The following WWOX variants were observed in gnomAD, a reference collection of about 807,000 sequenced individuals.
WWOX encodes the protein WW domain-containing oxidoreductase.
WWOX carries 69 observed loss-of-function variants against 46.2 expected under a neutral mutation model. That is an observed-to-expected ratio of 1.49 (90% CI 1.23 to 1.82). The LOEUF is 1.82. Ranked by LOEUF, WWOX falls within the 40% of genes most tolerant of loss-of-function variation. WWOX has a pLI of 0.00. For missense variants in WWOX, 919 were observed against 542.6 expected (o/e 1.69, Z -6.89); for synonymous variants, 359 against 202.6 (o/e 1.77, Z -6.56).
chr16:79,156,235 C>T (rs913195002), intron 8 of WWOX, among the ~76,000 whole-genome samples: 3 of 152,188 alleles, frequency 2.0e-5, no homozygotes, highest in Non-Finnish European at 4.4e-5. Flanking sequence ...AATTTCAGCT[C>T]ACTGCAACCT....
At chr16:78,327,242 C>G (rs148168505) in intron 5 of WWOX, among the ~76,000 whole-genome samples, 8 of 152,144 alleles carry the variant, frequency 5.3e-5, no homozygotes, top group Admixed American at 1.3e-4. Context: ...TGTGTCATAT[C>G]GGGAAAGAAA....
chr16:78,742,695 C>A (rs149797419), intron 8 of WWOX, among the ~76,000 whole-genome samples: 1 of 152,310 alleles, frequency 6.6e-6, no homozygotes, highest in African/African-American at 2.4e-5. Context: ...TTCTGCCCTG[C>A]GGTTTCAGTT....
At chr16:79,208,224 C>T (rs2051585516) in intron 8 of WWOX, among the ~76,000 whole-genome samples, 1 of 152,156 alleles carries the variant, frequency 6.6e-6, no homozygotes, top group South Asian at 2.1e-4. Context: ...GGCATTCGGG[C>T]ATGATTAAAA....
At chr16:79,139,266 G>A (rs1212770158) in intron 8 of WWOX, among the ~76,000 whole-genome samples, 1 of 152,232 alleles carries the variant, frequency 6.6e-6, no homozygotes, top group South Asian at 2.1e-4. Context: ...TTGTGCTGCT[G>A]CTGATCACGT....
intron 8 of WWOX, among the ~76,000 whole-genome samples, chr16:78,725,106 T>G (rs114087623): frequency 0.016 from 2,382 of 152,078 alleles, 52 homozygotes; most frequent in African/African-American, 0.054. Flanking sequence ...CCCATACTGT[T>G]CTTGGGGTAG....
intron 5 of WWOX, among the ~76,000 whole-genome samples, chr16:78,228,971 T>C (rs2037159677): frequency 6.6e-6 from 1 of 152,212 alleles, no homozygotes; most frequent in African/African-American, 2.4e-5. Context: ...TGATGTGTAC[T>C]TACTTCTATT....
At chr16:78,734,202 T>C (rs2049031081) in intron 8 of WWOX, among the ~76,000 whole-genome samples, 1 of 152,178 alleles carries the variant, frequency 6.6e-6, no homozygotes, top group Non-Finnish European at 1.5e-5. Context: ...AATTGGAATG[T>C]TAGGTGTTAA....
At chr16:78,732,984 C>G (rs1245020711) in intron 8 of WWOX, among the ~76,000 whole-genome samples, 1 of 152,156 alleles carries the variant, frequency 6.6e-6, no homozygotes, top group African/African-American at 2.4e-5. Context: ...TCCTTCTCGT[C>G]TTTTCTTTTC....
At chr16:78,794,203 A>T (rs768769137) in intron 8 of WWOX, among the ~76,000 whole-genome samples, 4 of 152,198 alleles carry the variant, frequency 2.6e-5, no homozygotes, top group Non-Finnish European at 5.9e-5. Flanking sequence ...AGAAAACAGC[A>T]AGAAGAATAT....
intron 8 of WWOX, among the ~76,000 whole-genome samples, chr16:78,674,721 A>G (rs1202821824): frequency 6.6e-6 from 1 of 152,246 alleles, no homozygotes; most frequent in Non-Finnish European, 1.5e-5. Context: ...AACAAGAACA[A>G]ATGGAGAATC....
intron 8 of WWOX, among the ~76,000 whole-genome samples, chr16:78,537,040 C>A (rs1357685324): frequency 6.6e-6 from 1 of 151,986 alleles, no homozygotes; most frequent in African/African-American, 2.4e-5. Context: ...CCTCAACGTC[C>A]TGAGAAGCTG....
chr16:78,738,375 G>C (rs1355300455), intron 8 of WWOX, among the ~76,000 whole-genome samples: 4 of 152,114 alleles, frequency 2.6e-5, no homozygotes, highest in Non-Finnish European at 4.4e-5. Context: ...TATGTGTAAT[G>C]TGCCATTTGA....
At chr16:78,840,230 CTG>C (rs980532050) in intron 8 of WWOX, among the ~76,000 whole-genome samples, 7 of 152,216 alleles carry the variant, frequency 4.6e-5, no homozygotes, top group Non-Finnish European at 1.0e-4. Flanking sequence ...CTAATCCTAA[CTG>C]TGCACATTCT....
intron 8 of WWOX, among the ~76,000 whole-genome samples, chr16:78,532,456 C>T (rs141489192): frequency 2.0e-5 from 3 of 152,166 alleles, no homozygotes; most frequent in Admixed American, 1.3e-4. Flanking sequence ...CATGAACATG[C>T]TTTGTAATTT....
intron 8 of WWOX, among the ~76,000 whole-genome samples, chr16:79,152,752 G>C (rs1276603633): frequency 6.6e-6 from 1 of 152,086 alleles, no homozygotes; most frequent in Non-Finnish European, 1.5e-5. Context: ...AGTGTGGGCA[G>C]AGCTCAGGGA....
At chr16:78,783,082 A>G (rs1036249259) in intron 8 of WWOX, among the ~76,000 whole-genome samples, 2 of 152,232 alleles carry the variant, frequency 1.3e-5, no homozygotes, top group East Asian at 1.9e-4. Context: ...CAATGCACCT[A>G]TATGCACAAA....
chr16:78,616,587 T>C (rs1016833572), intron 8 of WWOX, among the ~76,000 whole-genome samples: 3 of 151,544 alleles, frequency 2.0e-5, no homozygotes, highest in East Asian at 2.0e-4. Context: ...CTGGCTGACA[T>C]GGTGAAACCC....
At chr16:78,816,760 T>C (rs2051341106) in intron 8 of WWOX, among the ~76,000 whole-genome samples, 1 of 152,116 alleles carries the variant, frequency 6.6e-6, no homozygotes, top group Admixed American at 6.5e-5. Context: ...TTGGCTCTGA[T>C]TTTGTGGCTC....
Position 78,709,657 on chromosome 16 carries a change from C to T in WWOX, c.1056+276905C>T, listed in dbSNP as rs568471400. On this transcript the variant is annotated intron_variant, in intron 8 of 8. Transcript: ENST00000566780. ...TTTAACAGGGAATGAAAACCAACTG[C>T]CCTGTGATTCCAAGTCTGCTGATGC... Among the ~76,000 whole-genome samples, 13 of 152,146 alleles carry T rather than the reference C, an allele frequency of 8.5e-5. No individual in the cohort carries two copies. The South Asian group carries it at 2.7e-3, about 32-fold the overall frequency.
Sources: allele counts gnomAD v4.1 joint callset (sites outside exome capture counted in the v4.1 genomes callset), GRCh38; gene constraint gnomAD v4.1.1; transcripts MANE v1.5; gene names NCBI Gene and HGNC (gene_info 2026-07-23, HGNC 2026-07-21).